Variants in KLHL42 observed in about 807,000 individuals in gnomAD.
KLHL42 encodes kelch like family member 42.
KLHL42 carries 27 observed loss-of-function variants against 32.7 expected under a neutral mutation model. That is an observed-to-expected ratio of 0.83 (90% CI 0.61 to 1.14). KLHL42 has a LOEUF of 1.14. Ranked by LOEUF, KLHL42 falls within the 50% of genes most tolerant of loss-of-function variation. The pLI, the probability that KLHL42 is intolerant of heterozygous loss-of-function variation, is 0.00. For missense variants in KLHL42, 491 were observed against 560.8 expected, an observed-to-expected ratio of 0.88 and a Z score of 1.26; for synonymous variants, 267 against 248.2, an observed-to-expected ratio of 1.08 and a Z score of -0.71.
chr12:27,797,625 A>G (rs2062224891), intron 2 of KLHL42, 90 bp from the exon 3 acceptor site: 1 of 655,560 alleles, frequency 1.5e-6, no homozygotes, highest in African/African-American at 1.8e-5. Flanking sequence ...TTTGTTACCA[A>G]ATTATGCAGG....
chr12:27,802,863 ATACT>A lies in KLHL42; in HGVS notation c.*4699_*4702del, dbSNP rs1265912076. The A allele has an allele frequency of 6.6e-6, 1 of 152,406 alleles. No homozygotes were observed. The highest frequency in any genetic ancestry group is 2.4e-5 in the African/African-American group (1 of 41,446). The allele number at this position is 152,406 out of a possible 1,614,324, so 9.4% of individuals were successfully genotyped here. A position where few individuals can be genotyped will look rare whatever the true frequency, so the allele number is the denominator to read the frequency against. On this transcript the variant is annotated 3_prime_UTR_variant, in exon 3 of 3. Transcript: ENST00000381271. ...GAATAGTTATGTTTTGATATGACTG[ATACT>A]TTCTTTGTTAAAAGGTTGTATTAAG...
chr12:27,781,573 A>T lies in KLHL42; in HGVS notation c.872+371A>T, dbSNP rs528145474. 1.2e-3 allele frequency among the ~76,000 whole-genome samples: 182 copies of T among 152,322 alleles called. 2 individuals carry two copies. The highest frequency in any genetic ancestry group is 4.2e-3 in the African/African-American group (175 of 41,572). ...TAGTTTTTAGGATTTGATCCTGATG[A>T]TAATGATACACTGGACAGTAACCTG... On this transcript the variant is annotated intron_variant, in intron 1 of 2. Coordinates refer to ENST00000381271, the MANE Select transcript of KLHL42 (RefSeq NM_020782.2).
chr12:27,781,199 A>G lies in KLHL42; in HGVS notation c.869A>G (p.Lys290Arg). 6.2e-7 allele frequency: 1 copy of G among 1,613,524 alleles called. No homozygotes were observed. Among genetic ancestry groups the G allele is most frequent in the African/African-American group, 1.3e-5 (1 of 75,052 alleles). The change falls in exon 1 of 3, where the codon AAG becomes AGG. Residue 290 changes from lysine to arginine, a missense_variant. By Grantham distance (26) the Lys-to-Arg change is conservative (BLOSUM62 2). Around this residue, in one of 4 missense-constraint regions of KLHL42, gnomAD observed 248 missense variants for 329.2 expected, o/e 0.75. Transcript: ENST00000381271. ...CTCCAGGTGGCCTCCATGAACCAGA[A>G]GAGGTAAGCACCCCGGCAGAGTGCT... The part of the protein sequence containing the change: ...EWLQVASMNQ[K>R]RSNFKLVAVN...
chr12:27,792,447 G>A (rs1296604945), intron 2 of KLHL42, among the ~76,000 whole-genome samples: 2 of 152,234 alleles, frequency 1.3e-5, no homozygotes, highest in African/African-American at 4.8e-5. Flanking sequence ...ATCACAGGAG[G>A]AGCAAGGACA....
Position 27,800,074 on chromosome 12 carries a change from C to T in KLHL42, c.*1908C>T, listed in dbSNP as rs1199718390. The stretch of plus-strand genomic sequence containing the variant: ...TTTATTTTAGATGGTGTTAACTTTT[C>T]GTTGCTGAAGAGCTTAACTTTTTAA... On this transcript the variant is annotated 3_prime_UTR_variant, in exon 3 of 3. Transcript: ENST00000381271. The T allele has an allele frequency of 1.3e-5, 13 of 979,950 alleles. No homozygotes were observed. The highest frequency in any genetic ancestry group is 1.8e-5 in the African/African-American group (1 of 57,090). The allele number at this position is 979,950 out of a possible 1,614,324, so 60.7% of individuals were successfully genotyped here. A position where few individuals can be genotyped will look rare whatever the true frequency, so the allele number is the denominator to read the frequency against.
intron 1 of KLHL42, among the ~76,000 whole-genome samples, chr12:27,781,982 G>A (rs1210600882): frequency 6.6e-6 from 1 of 152,232 alleles, no homozygotes; most frequent in Non-Finnish European, 1.5e-5. Flanking sequence ...CAAGAGCAAA[G>A]AGCATATACA....
At chr12:27,782,788 T>A (rs191453422) in intron 1 of KLHL42, among the ~76,000 whole-genome samples, 2 of 149,970 alleles carry the variant, frequency 1.3e-5, no homozygotes, top group Admixed American at 6.6e-5. Context: ...AGCATTCAAG[T>A]AATGCATGAA....
chr12:27,783,713 C>G (rs1221048976), intron 1 of KLHL42, among the ~76,000 whole-genome samples: 1 of 152,112 alleles, frequency 6.6e-6, no homozygotes, highest in Non-Finnish European at 1.5e-5. Flanking sequence ...TCCCGAGGAG[C>G]TGGGACTACA....
chr12:27,784,300 A>ATT (rs34586949), intron 1 of KLHL42, among the ~76,000 whole-genome samples: 190 of 142,062 alleles, frequency 1.3e-3, no homozygotes, highest in African/African-American at 4.5e-3. Flanking sequence ...CGCCTGGCTA[A>ATT]TTTTTTTTTT....
At chr12:27,781,596 C>T (rs893599138) in intron 1 of KLHL42, among the ~76,000 whole-genome samples, 5 of 152,178 alleles carry the variant, frequency 3.3e-5, no homozygotes, top group Admixed American at 2.0e-4. Flanking sequence ...GGACAGTAAC[C>T]TGTAACACTG....
intron 1 of KLHL42, among the ~76,000 whole-genome samples, chr12:27,788,711 T>C (rs1442592633): frequency 6.6e-6 from 1 of 152,206 alleles, no homozygotes; most frequent in African/African-American, 2.4e-5. Flanking sequence ...AGCTCTCCTT[T>C]TAAAAAAAAT....
chr12:27,801,593 C>T lies in KLHL42; in HGVS notation c.*3427C>T, dbSNP rs558181578. The T allele has an allele frequency of 2.0e-4, 31 of 152,326 alleles. No homozygotes were observed. The highest frequency in any genetic ancestry group is 7.2e-4 in the African/African-American group (30 of 41,572). 9.4% of individuals were successfully genotyped at this position (152,326 alleles called of 1,614,324 possible). A position where few individuals can be genotyped will look rare whatever the true frequency, so the allele number is the denominator to read the frequency against. On this transcript the variant is annotated 3_prime_UTR_variant, in exon 3 of 3. Coordinates refer to ENST00000381271, the MANE Select transcript of KLHL42 (RefSeq NM_020782.2). The stretch of plus-strand genomic sequence containing the variant: ...GGAATATATAACACCTGTGCCACCG[C>T]TCTTTTAAGGAGGCATTATGAATGA...
rs200299795 is a variant in KLHL42 at position 27,781,211 on chromosome 12, C to T, written c.872+9C>T. On this transcript the variant is annotated intron_variant, in intron 1 of 2. Transcript: ENST00000381271. ...TCCATGAACCAGAAGAGGTAAGCAC[C>T]CCGGCAGAGTGCTGCTGCCTTCTCA... is the stretch of plus-strand genomic sequence containing the variant. The T allele has an allele frequency of 5.6e-5, 90 of 1,612,674 alleles. No individual in the cohort carries two copies. The Admixed American group carries it at 1.5e-3, about 27-fold the overall frequency.
chr12:27,786,258 A>G (rs2062171495), intron 1 of KLHL42, among the ~76,000 whole-genome samples: 1 of 152,242 alleles, frequency 6.6e-6, no homozygotes, highest in Non-Finnish European at 1.5e-5. Context: ...CTTCTAAAAA[A>G]TAGAGCACAG....
At chr12:27,797,534 G>C (rs867097727) in intron 2 of KLHL42, among the ~76,000 whole-genome samples, 181 bp from the exon 3 acceptor site, 6 of 152,128 alleles carry the variant, frequency 3.9e-5, no homozygotes, top group African/African-American at 1.2e-4. Context: ...GGTGAGTGCG[G>C]ATGGATCTAA....
At chr12:27,792,855 GT>G in intron 2 of KLHL42, among the ~76,000 whole-genome samples, 1 of 152,202 alleles carries the variant, frequency 6.6e-6, no homozygotes, top group Middle Eastern at 3.4e-3. Flanking sequence ...GTATATATGT[GT>G]TTTTCACTTT....
chr12:27,800,372 G>GTGTGTGTGTGTA lies in KLHL42; in HGVS notation c.*2207_*2208insGTGTGTGTGTAT, dbSNP rs751896082. Reference sequence around the variant, plus strand: ...TGGGGGTGTGTGTGTGTGTGTGTGTGTATGTTTGCATATTATAGCTCTCTT... The same window carrying GTGTGTGTGTGTA: ...TGGGGGTGTGTGTGTGTGTGTGTGTGTGTGTGTGTGTATATGTTTGCATATTATAGCTCTCTT... On this transcript the variant is annotated 3_prime_UTR_variant, in exon 3 of 3. Transcript: ENST00000381271. The GTGTGTGTGTGTA allele has an allele frequency of 1.0e-6, 1 of 983,750 alleles. No individual in the cohort carries two copies. The highest frequency in any genetic ancestry group is 1.8e-5 in the African/African-American group (1 of 56,316). The allele number at this position is 983,750 out of a possible 1,614,324, so 60.9% of individuals were successfully genotyped here.
intron 2 of KLHL42, among the ~76,000 whole-genome samples, chr12:27,795,905 A>T (rs1043466026): frequency 5.9e-5 from 9 of 152,228 alleles, no homozygotes; most frequent in African/African-American, 2.2e-4. Flanking sequence ...AAACATTTAC[A>T]GAACACCTGG....
chr12:27,780,654 G>A lies in KLHL42; in HGVS notation c.324G>A (p.Ala108=). 6.3e-7 allele frequency: 1 copy of A among 1,580,440 alleles called. No homozygotes were observed. The highest frequency in any genetic ancestry group is 8.6e-7 in the Non-Finnish European group (1 of 1,161,144). The change falls in exon 1 of 3, where the codon GCG becomes GCA. Residue 108 remains alanine, a synonymous_variant. Transcript: ENST00000381271. This position sits in a 1 kb window ranked among gnomAD's most constrained non-coding sequence, Gnocchi z 8.8. Reference sequence around the variant, plus strand: ...GCCTGCTGTCCGAGCTGGTGGAGGCGGCCTCCTTCCTGCAGGTCACGTCCC... The same window carrying A: ...GCCTGCTGTCCGAGCTGGTGGAGGCAGCCTCCTTCCTGCAGGTCACGTCCC... ...EVSLLSELVE[A]ASFLQVTSLL... is the part of the protein sequence containing the mutation.
Sources: gnomAD v4.1 joint callset for allele counts (sites outside exome capture counted in the v4.1 genomes callset) on GRCh38, gnomAD v4.1.1 for gene constraint, gnomAD v4.1.1 regional missense constraint, Gnocchi (gnomAD v3.1) non-coding constraint, MANE v1.5 for transcripts, NCBI Gene and HGNC (gene_info 2026-07-23, HGNC 2026-07-21) for gene names.